Variants in NEO1 observed in about 807,000 individuals in gnomAD.
NEO1 encodes neogenin 1.
Under a neutral mutation model 159.7 loss-of-function variants are expected in NEO1, and 63 were observed. That is an observed-to-expected ratio of 0.39 (90% CI 0.32 to 0.49). The LOEUF (loss-of-function observed/expected upper bound fraction) is 0.49, where lower values mean the gene tolerates loss of function less well. Ranked by LOEUF, NEO1 falls within the 20% of genes least tolerant of loss-of-function variation. NEO1 has a pLI of 0.85. For synonymous variants in NEO1, 633 were observed against 662.0 expected, an observed-to-expected ratio of 0.96 and a Z score of 0.67; for missense variants, 1,615 against 1,831.0, an observed-to-expected ratio of 0.88 and a Z score of 2.15.
chr15:73,120,404 AG>A (rs2071577433), intron 2 of NEO1, among the ~76,000 whole-genome samples: 1 of 150,770 alleles, frequency 6.6e-6, no homozygotes, highest in Non-Finnish European at 1.5e-5. Context: ...AAAAAAAATA[AG>A]AAAAAGAAAA....
At chr15:73,098,854 AT>A (rs771213189) in intron 1 of NEO1, among the ~76,000 whole-genome samples, 31 of 152,170 alleles carry the variant, frequency 2.0e-4, no homozygotes, top group Non-Finnish European at 3.2e-4. Flanking sequence ...TGAATGCACT[AT>A]TTTGCATTTC....
At chr15:73,122,063 GTATATATATA>G (rs200219694) in intron 2 of NEO1, among the ~76,000 whole-genome samples, 7,513 of 126,266 alleles carry the variant, frequency 0.06, 332 homozygotes, top group East Asian at 0.23. Flanking sequence ...GTGTGTGTGT[GTATATATATA>G]TATATATATA....
rs56783188 is a variant in NEO1, at chr15:73,284,162, G to GA, written c.3410+1061dup. The stretch of plus-strand genomic sequence containing the variant: ...AGATATCTGGTTAGCAAAATAGATA[G>GA]AAAAAAAAAAGGAGATTCCTGAGTT... On this transcript the variant is annotated intron_variant, in intron 23 of 28. Transcript: ENST00000261908. Among the ~76,000 whole-genome samples, 339 of 148,554 alleles carry GA rather than the reference G, an allele frequency of 2.3e-3. 2 individuals are homozygous for GA. The highest frequency in any genetic ancestry group is 7.2e-3 in the African/African-American group (291 of 40,160).
chr15:73,158,349 A>G (rs188374340), intron 5 of NEO1, among the ~76,000 whole-genome samples: 1 of 149,990 alleles, frequency 6.7e-6, no homozygotes, highest in East Asian at 2.0e-4. Context: ...AAGAATTGTG[A>G]TTGATATATT....
chr15:73,061,033 AAG>A (rs1440780915), intron 1 of NEO1, among the ~76,000 whole-genome samples: 1 of 152,210 alleles, frequency 6.6e-6, no homozygotes, highest in Non-Finnish European at 1.5e-5. Flanking sequence ...ACTAGGGAAT[AAG>A]AGAAATAATT....
At chr15:73,182,154 A>G (rs933198432) in intron 7 of NEO1, among the ~76,000 whole-genome samples, 2 of 152,080 alleles carry the variant, frequency 1.3e-5, no homozygotes, top group Non-Finnish European at 2.9e-5. Flanking sequence ...ATTCACTATC[A>G]CGAGAACAGC....
intron 7 of NEO1, among the ~76,000 whole-genome samples, chr15:73,183,756 GAA>G (rs200673722): frequency 1.3e-5 from 2 of 150,292 alleles, no homozygotes; most frequent in African/African-American, 4.9e-5. Context: ...CAGAGGAAAG[GAA>G]AAAAAAAGAG....
At chr15:73,052,299 C>A (rs1036484734), upstream of NEO1, among the ~76,000 whole-genome samples, 1 of 26,806 alleles carries the variant, frequency 3.7e-5, no homozygotes, top group Non-Finnish European at 8.4e-5. Flanking sequence ...GACTCCCGCC[C>A]CCCGCCCCCG....
At chr15:73,244,311 A>G (rs2150906501) in intron 8 of NEO1, 33 bp from the exon 9 acceptor site, 1 of 1,589,960 alleles carries the variant, frequency 6.3e-7, no homozygotes. Context: ...ATTCCTAATT[A>G]ATGCTATCTC....
intron 7 of NEO1, among the ~76,000 whole-genome samples, chr15:73,205,836 A>G (rs938630398): frequency 1.3e-5 from 2 of 152,204 alleles, no homozygotes; most frequent in African/African-American, 2.4e-5. Flanking sequence ...ATGACTTTCA[A>G]GCTATTTACA....
chr15:73,111,076 G>A (rs1410934825), intron 1 of NEO1, among the ~76,000 whole-genome samples: 3 of 152,142 alleles, frequency 2.0e-5, no homozygotes, highest in African/African-American at 7.2e-5. Flanking sequence ...AGTAAAAAGT[G>A]TTCTCCCTGT....
chr15:73,095,071 T>C (rs1234667590), intron 1 of NEO1, among the ~76,000 whole-genome samples: 2 of 152,080 alleles, frequency 1.3e-5, no homozygotes, highest in African/African-American at 2.4e-5. Flanking sequence ...TAGCCGGGCA[T>C]GGTGGTGTGC....
At chr15:73,056,045 C>T (rs914407736) in intron 1 of NEO1, among the ~76,000 whole-genome samples, 48 of 152,136 alleles carry the variant, frequency 3.2e-4, no homozygotes, top group African/African-American at 1.0e-3. Flanking sequence ...AAATATTTTC[C>T]TGAGCATGCC....
At chr15:73,272,657 C>T in intron 19 of NEO1, 95 bp downstream of exon 19, 1 of 885,470 alleles carries the variant, frequency 1.1e-6, no homozygotes, top group Non-Finnish European at 1.8e-6. Flanking sequence ...AAGTGGGAGT[C>T]TGAAGGCTGG....
At chr15:73,109,837 T>C (rs2070878775) in intron 1 of NEO1, among the ~76,000 whole-genome samples, 1 of 152,174 alleles carries the variant, frequency 6.6e-6, no homozygotes, top group African/African-American at 2.4e-5. Flanking sequence ...TTGCATGTTT[T>C]CCCCAGGAGA....
intron 5 of NEO1, among the ~76,000 whole-genome samples, chr15:73,164,210 GTTTT>G (rs35133349): frequency 1.6e-5 from 2 of 125,288 alleles, no homozygotes; most frequent in African/African-American, 3.0e-5. Context: ...ATTATTATTG[GTTTT>G]TTTTTTTTTT....
chr15:73,100,531 C>G (rs905115019), intron 1 of NEO1, among the ~76,000 whole-genome samples: 3 of 151,958 alleles, frequency 2.0e-5, no homozygotes, highest in African/African-American at 7.3e-5. Flanking sequence ...GATGGGGTTT[C>G]GGCATGTTGG....
At chr15:73,221,882 TGAGTGAGGCAATG>T (rs1344536554) in intron 7 of NEO1, 1 of 154,308 alleles carries the variant, frequency 6.5e-6, no homozygotes, top group African/African-American at 2.4e-5. Flanking sequence ...TTGCGCTTCC[TGAGTGAGGCAATG>T]CCTCACCCTG....
chr15:73,151,032 C>A (rs951175930), intron 5 of NEO1, among the ~76,000 whole-genome samples: 1 of 152,132 alleles, frequency 6.6e-6, no homozygotes, highest in African/African-American at 2.4e-5. Flanking sequence ...CAGGCCTTTT[C>A]CCAGAGTGGT....
Sources: gnomAD v4.1 joint callset for allele counts (sites outside exome capture counted in the v4.1 genomes callset) on GRCh38, gnomAD v4.1.1 for gene constraint, MANE v1.5 for transcripts, NCBI Gene and HGNC (gene_info 2026-07-23, HGNC 2026-07-21) for gene names.